The following SLC12A8 variants were observed in gnomAD, a reference collection of about 807,000 sequenced individuals.
SLC12A8 encodes the protein cation-chloride cotransporter 9.
A neutral mutation model predicts 75.6 loss-of-function variants in SLC12A8; 69 were observed. The ratio of observed to expected loss-of-function variants is 0.91; its 90% CI spans 0.75 to 1.11. SLC12A8 has a LOEUF of 1.11. Among genes scored for constraint, SLC12A8 ranks in the 50% most tolerant of loss-of-function variants. SLC12A8 has a pLI of 0.00. For synonymous variants in SLC12A8, 365 were observed against 372.8 expected, an observed-to-expected ratio of 0.98 and a Z score of 0.24; for missense variants, 877 against 896.7, an observed-to-expected ratio of 0.98 and a Z score of 0.28.
At chr3:125,136,302 C>T (rs1933492240) in intron 5 of SLC12A8, among the ~76,000 whole-genome samples, 1 of 152,100 alleles carries the variant, frequency 6.6e-6, no homozygotes, top group Middle Eastern at 3.2e-3. Flanking sequence ...GGAAGGCCAC[C>T]CACACCCACC....
At chr3:125,157,341 T>C (rs890195816) in intron 5 of SLC12A8, among the ~76,000 whole-genome samples, 1 of 152,178 alleles carries the variant, frequency 6.6e-6, no homozygotes, top group African/African-American at 2.4e-5. Flanking sequence ...TGGGGCCATG[T>C]TCCGATAAAC....
intron 6 of SLC12A8, among the ~76,000 whole-genome samples, chr3:125,132,861 G>A (rs1392963179): frequency 6.6e-6 from 1 of 152,212 alleles, no homozygotes; most frequent in African/African-American, 2.4e-5. Flanking sequence ...TGGACAGGCA[G>A]GTGGAGGGGA....
intron 2 of SLC12A8, among the ~76,000 whole-genome samples, chr3:125,197,707 A>C (rs1935033072): frequency 6.6e-6 from 1 of 152,182 alleles, no homozygotes; most frequent in African/African-American, 2.4e-5. Flanking sequence ...TTTTATACTG[A>C]TGTGGCTCTG....
intron 4 of SLC12A8, among the ~76,000 whole-genome samples, chr3:125,185,333 C>CA (rs1005025689): frequency 1.4e-5 from 2 of 138,892 alleles, no homozygotes; most frequent in Admixed American, 7.2e-5. Flanking sequence ...AAACAAAAAA[C>CA]AAAAAACAAA....
intron 5 of SLC12A8, among the ~76,000 whole-genome samples, chr3:125,175,196 T>G (rs1387625275): frequency 1.3e-5 from 2 of 152,222 alleles, no homozygotes; most frequent in African/African-American, 4.8e-5. Flanking sequence ...ACATATAATC[T>G]CAACAGAAAG....
chr3:125,189,884 A>G (rs1038442380), intron 3 of SLC12A8, among the ~76,000 whole-genome samples: 1 of 152,168 alleles, frequency 6.6e-6, no homozygotes, highest in African/African-American at 2.4e-5. Flanking sequence ...CCAGGATCTC[A>G]CACAGCAGAG....
chr3:125,130,676 A>T (rs1933331561), intron 6 of SLC12A8, among the ~76,000 whole-genome samples: 1 of 152,172 alleles, frequency 6.6e-6, no homozygotes, highest in Non-Finnish European at 1.5e-5. Flanking sequence ...CTGATCTCAC[A>T]TGTGAGTCCA....
Position 125,083,220 on chromosome 3 carries a change from A to G in SLC12A8, c.*670T>C, listed in dbSNP as rs779281271. Reference sequence around the variant, plus strand: ...TAAATAATACAATAAAATATAAAACATACACTTATTGTGGCCCTCTGCACA... The same window carrying G: ...TAAATAATACAATAAAATATAAAACGTACACTTATTGTGGCCCTCTGCACA... On this transcript the variant is annotated 3_prime_UTR_variant, in exon 14 of 14. Transcript: ENST00000469902. 3 of 152,138 alleles carry G rather than the reference A, an allele frequency of 2.0e-5. No homozygotes were observed. Among genetic ancestry groups the G allele is most frequent in the Non-Finnish European group, 2.9e-5 (2 of 68,036 alleles). 9.4% of individuals were successfully genotyped at this position (152,138 alleles called of 1,614,324 possible). A position where few individuals can be genotyped will look rare whatever the true frequency, so the allele number is the denominator to read the frequency against.
intron 2 of SLC12A8, among the ~76,000 whole-genome samples, chr3:125,199,354 C>T (rs1235257322): frequency 6.6e-6 from 1 of 152,116 alleles, no homozygotes; most frequent in Non-Finnish European, 1.5e-5. Flanking sequence ...ATTATTACAA[C>T]TTTTCTGTAA....
At chr3:125,086,886 C>T (rs1477679614) in intron 13 of SLC12A8, among the ~76,000 whole-genome samples, 1 of 152,172 alleles carries the variant, frequency 6.6e-6, no homozygotes, top group Non-Finnish European at 1.5e-5. Context: ...TCCCAAGCTC[C>T]AGCACGAAGG....
rs376393434 is a variant in SLC12A8 at position 125,084,013 on chromosome 3, C to G, written c.2022G>C (p.Pro674=). ...RSPQEQIILA[P]SLAKVDMEMT... ...TCTCCATGTCAACCTTAGCCAGGGA[C>G]GGCGCCAAGATGATCTGCTCCTGAG... Residue 674 remains proline, a synonymous_variant, in exon 14 of 14, where the codon CCG becomes CCC. Coordinates refer to ENST00000469902, the MANE Select transcript of SLC12A8 (RefSeq NM_024628.6). The G allele has an allele frequency of 6.2e-7, 1 of 1,612,890 alleles. No homozygotes were observed. The highest frequency in any genetic ancestry group is 8.5e-7 in the Non-Finnish European group (1 of 1,179,650).
intron 6 of SLC12A8, among the ~76,000 whole-genome samples, chr3:125,133,409 G>A (rs1024598261): frequency 6.6e-6 from 1 of 151,308 alleles, no homozygotes; most frequent in Non-Finnish European, 1.5e-5. Context: ...GTCTCACTCT[G>A]TCACTCAGGC....
intron 5 of SLC12A8, among the ~76,000 whole-genome samples, chr3:125,157,120 G>C (rs1328445440): frequency 6.7e-6 from 1 of 149,304 alleles, no homozygotes; most frequent in Non-Finnish European, 1.5e-5. Context: ...GCTCAATTAT[G>C]CTTTAAAACG....
intron 3 of SLC12A8, 93 bp downstream of exon 3, chr3:125,190,282 G>C: frequency 7.3e-7 from 1 of 1,369,554 alleles, no homozygotes; most frequent in Non-Finnish European, 1.0e-6. Flanking sequence ...CTGTGCTTCA[G>C]GAATCTGTGG....
chr3:125,206,012 C>A (rs1235462257), intron 2 of SLC12A8, among the ~76,000 whole-genome samples: 2 of 152,172 alleles, frequency 1.3e-5, no homozygotes, highest in African/African-American at 4.8e-5. Flanking sequence ...ACAAGACTGT[C>A]TTGTCTGAAG....
intron 5 of SLC12A8, among the ~76,000 whole-genome samples, chr3:125,172,643 A>G (rs1296751617): frequency 6.6e-6 from 1 of 152,232 alleles, no homozygotes; most frequent in Non-Finnish European, 1.5e-5. Context: ...ATCTTATGCC[A>G]CTAAATGTTG....
At chr3:125,096,448 C>A (rs2107734934) in intron 10 of SLC12A8, among the ~76,000 whole-genome samples, 1 of 151,250 alleles carries the variant, frequency 6.6e-6, no homozygotes, top group East Asian at 2.0e-4. Context: ...TCAGCATGTT[C>A]CCCCAGCACT....
At chr3:125,090,543 T>C (rs1194292383) in intron 12 of SLC12A8, among the ~76,000 whole-genome samples, 1 of 152,194 alleles carries the variant, frequency 6.6e-6, no homozygotes, top group African/African-American at 2.4e-5. Flanking sequence ...GTTGTGAACT[T>C]TTCTATTTCT....
chr3:125,170,015 A>AT (rs1388726044), intron 5 of SLC12A8, among the ~76,000 whole-genome samples: 1 of 151,892 alleles, frequency 6.6e-6, no homozygotes, highest in Admixed American at 6.5e-5. Context: ...AATTCAAAGA[A>AT]AAAAATACAA....
Sources: gnomAD v4.1 joint callset for allele counts (sites outside exome capture counted in the v4.1 genomes callset) on GRCh38, gnomAD v4.1.1 for gene constraint, MANE v1.5 for transcripts, NCBI Gene and HGNC (gene_info 2026-07-23, HGNC 2026-07-21) for gene names.